LPIN1: variants seen among roughly 807,000 people sequenced by gnomAD.
LPIN1 encodes phosphatidate phosphatase LPIN1.
A neutral mutation model predicts 107.5 loss-of-function variants in LPIN1; 71 were observed. That is an observed-to-expected ratio of 0.66 (90% CI 0.55 to 0.80). The LOEUF is 0.80. Among genes scored for constraint, LPIN1 ranks in the 30% least tolerant of loss-of-function variants. The pLI is 0.00. For synonymous variants in LPIN1, 445 were observed against 452.6 expected (o/e 0.98, Z 0.21); for missense variants, 1,043 against 1,160.6 (o/e 0.90, Z 1.47).
At chr2:11,799,328 C>A (rs1184973258) in intron 14 of LPIN1, among the ~76,000 whole-genome samples, 1 of 151,946 alleles carries the variant, frequency 6.6e-6, no homozygotes, top group Non-Finnish European at 1.5e-5. Flanking sequence ...AGGTACACAT[C>A]AATCTGTTGT....
chr2:11,813,070 T>A (rs1679958269), intron 17 of LPIN1, among the ~76,000 whole-genome samples: 1 of 152,096 alleles, frequency 6.6e-6, no homozygotes, highest in Non-Finnish European at 1.5e-5. Context: ...CCGAGGAGTC[T>A]CGGGGTGAGT....
intron 7 of LPIN1, among the ~76,000 whole-genome samples, chr2:11,780,555 G>C (rs1157806333): frequency 6.6e-6 from 1 of 152,198 alleles, no homozygotes; most frequent in Admixed American, 6.5e-5. Context: ...CTCATTGTTG[G>C]TGGGACCCTG....
rs933524531 is a variant in LPIN1 at position 11,697,917 on chromosome 2, T to C, written c.82-15839T>C. ...GGCAGCCCTCAGTCACAAGCCAGAC[T>C]AGTCACGCACCCCCGGCTGTGGGTG... On this transcript the variant is annotated intron_variant, in intron 1 of 21. Coordinates refer to the LPIN1 transcript ENST00000449576. This position sits in a 1 kb window ranked among gnomAD's most constrained non-coding sequence, Gnocchi z 4.6. Among the ~76,000 whole-genome samples, 1 of 152,116 alleles carries C rather than the reference T, an allele frequency of 6.6e-6. No individual in the cohort carries two copies. Among genetic ancestry groups the C allele is most frequent in the African/African-American group, 2.4e-5 (1 of 41,416 alleles).
chr2:11,707,050 G>A lies in LPIN1; in HGVS notation c.82-6706G>A, dbSNP rs112039976. On this transcript the variant is annotated intron_variant, in intron 1 of 21. Transcript: ENST00000449576. This position sits in a 1 kb window ranked among gnomAD's most constrained non-coding sequence, Gnocchi z 4.2. ...GTACTGACTAAACGTTACCTTTGTAGCAATTAGCCATACAGCACCTCTTAG... is the reference window on the plus strand; with the variant it reads ...GTACTGACTAAACGTTACCTTTGTAACAATTAGCCATACAGCACCTCTTAG... 4.6e-5 allele frequency among the ~76,000 whole-genome samples: 7 copies of A among 152,294 alleles called. No individual in the cohort carries two copies. Among genetic ancestry groups the A allele is most frequent in the African/African-American group, 1.7e-4 (7 of 41,560 alleles).
chr2:11,819,384 G>T, intron 18 of LPIN1, 100 bp from the exon 19 acceptor site: 1 of 814,756 alleles, frequency 1.2e-6, no homozygotes. Flanking sequence ...TTGAAGATTT[G>T]AGTTTTCTCA....
intron 1 of LPIN1, among the ~76,000 whole-genome samples, chr2:11,747,899 T>G (rs1344386579): frequency 6.6e-6 from 1 of 152,210 alleles, no homozygotes; most frequent in Non-Finnish European, 1.5e-5. Flanking sequence ...GGCCCTGTGG[T>G]CCTGTGGAGC....
intron 1 of LPIN1, among the ~76,000 whole-genome samples, chr2:11,702,286 T>G (rs1378223824): frequency 6.6e-6 from 1 of 152,160 alleles, no homozygotes; most frequent in Non-Finnish European, 1.5e-5. Context: ...GTGTGAATAA[T>G]TTCAGTGGGT....
intron 1 of LPIN1, among the ~76,000 whole-genome samples, chr2:11,713,019 C>T (rs867436792): frequency 3.6e-4 from 55 of 152,258 alleles, no homozygotes; most frequent in South Asian, 6.2e-4. Flanking sequence ...TTATTGTTAC[C>T]CACATTTTAC....
chr2:11,764,587 G>T (rs1670485185), intron 1 of LPIN1, among the ~76,000 whole-genome samples: 1 of 152,236 alleles, frequency 6.6e-6, no homozygotes, highest in African/African-American at 2.4e-5. Context: ...GATTGCAGTT[G>T]ACAGCTGGCC....
At chr2:11,734,835 G>A (rs1314808226) in intron 1 of LPIN1, among the ~76,000 whole-genome samples, 1 of 152,158 alleles carries the variant, frequency 6.6e-6, no homozygotes, top group Admixed American at 6.5e-5. Context: ...TTAGAGAAGC[G>A]GGGGGAAGGC....
chr2:11,740,091 C>T (rs555317483), intron 1 of LPIN1, among the ~76,000 whole-genome samples: 8 of 152,294 alleles, frequency 5.3e-5, no homozygotes, highest in East Asian at 3.9e-4. Context: ...GAGGGGCCAT[C>T]GGTGCAGGTC....
Position 11,788,287 on chromosome 2 carries a change from G to A in LPIN1, c.1644-100G>A, listed in dbSNP as rs574447385. 158 of 868,414 alleles carry A rather than the reference G, an allele frequency of 1.8e-4. No individual in the cohort carries two copies. The African/African-American group carries it at 2.4e-3, about 13-fold the overall frequency. 53.8% of individuals were successfully genotyped at this position (868,414 alleles called of 1,614,324 possible). On this transcript the variant is annotated intron_variant, in intron 11 of 20. Transcript: ENST00000674199. ...GAGTATTGAGCTCTTTAAGGGCCTC[G>A]CTGGAGTCCCGAGCTTTCCTTGACT... is the stretch of plus-strand genomic sequence containing the variant.
chr2:11,702,975 C>T (rs1270314220), intron 1 of LPIN1, among the ~76,000 whole-genome samples: 1 of 152,194 alleles, frequency 6.6e-6, no homozygotes. Flanking sequence ...GACCGCCTCC[C>T]AGGCTTGGAT....
chr2:11,749,689 C>A (rs1572552681), intron 1 of LPIN1, among the ~76,000 whole-genome samples: 1 of 152,338 alleles, frequency 6.6e-6, no homozygotes, highest in East Asian at 1.9e-4. Flanking sequence ...ACAGGCTGTT[C>A]TGCACACTGA....
chr2:11,751,578 C>G (rs1336989753), intron 1 of LPIN1, among the ~76,000 whole-genome samples: 1 of 152,156 alleles, frequency 6.6e-6, no homozygotes, highest in Non-Finnish European at 1.5e-5. Flanking sequence ...TCCAGCTGGG[C>G]GCGGTGGCTC....
intron 1 of LPIN1, among the ~76,000 whole-genome samples, chr2:11,684,705 A>G (rs1017868153): frequency 2.0e-5 from 3 of 152,176 alleles, no homozygotes; most frequent in African/African-American, 7.2e-5. Context: ...ATCTTTTATG[A>G]AAAGAAAAAT....
chr2:11,779,675 C>T (rs1673246728), intron 7 of LPIN1, 30 bp downstream of exon 7: 3 of 1,612,734 alleles, frequency 1.9e-6, no homozygotes, highest in Non-Finnish European at 2.5e-6. Context: ...TGCCACGGAC[C>T]GAAGATTTCT....
At chr2:11,768,946 A>G (rs1671410012) in intron 3 of LPIN1, among the ~76,000 whole-genome samples, 1 of 152,162 alleles carries the variant, frequency 6.6e-6, no homozygotes, top group Non-Finnish European at 1.5e-5. Context: ...AAAAAACAAA[A>G]AAAAAGAAAC....
chr2:11,735,366 C>A (rs967691642), intron 1 of LPIN1, among the ~76,000 whole-genome samples: 2 of 151,500 alleles, frequency 1.3e-5, no homozygotes, highest in African/African-American at 4.9e-5. Context: ...CTTTGATGCT[C>A]CTTTTAGGTG....
Sources: allele counts gnomAD v4.1 joint callset (sites outside exome capture counted in the v4.1 genomes callset), GRCh38; gene constraint gnomAD v4.1.1; non-coding constraint Gnocchi (gnomAD v3.1); transcripts MANE v1.5; gene names NCBI Gene and HGNC (gene_info 2026-07-23, HGNC 2026-07-21).